KCNQ4: variants seen among roughly 807,000 people sequenced by gnomAD.
KCNQ4 encodes potassium voltage-gated channel subfamily Q member 4.
KCNQ4 carries 31 observed loss-of-function variants against 72.6 expected under a neutral mutation model. The ratio of observed to expected loss-of-function variants is 0.43; its 90% CI spans 0.32 to 0.58. The LOEUF is 0.58. Ranked by LOEUF, KCNQ4 falls within the 20% of genes least tolerant of loss-of-function variation. The pLI, the probability that KCNQ4 is intolerant of heterozygous loss-of-function variation, is 0.08. For missense variants in KCNQ4, 869 were observed against 962.6 expected, an observed-to-expected ratio of 0.90 and a Z score of 1.29; for synonymous variants, 405 against 403.7, an observed-to-expected ratio of 1.00 and a Z score of -0.04.
In KCNQ4 at chr1:40,840,228, C is replaced by T. The variant is rs944123817; in HGVS notation, c.*1705C>T. On this transcript the variant is annotated 3_prime_UTR_variant, in exon 14 of 14. Coordinates refer to ENST00000347132, the MANE Select transcript of KCNQ4 (RefSeq NM_004700.4). ...CTGGATGGAGCCACTCCTGGCTCAC[C>T]CCACCTGCACTGCACTGTCCCCAGA... The T allele has an allele frequency of 2.0e-4, 31 of 152,504 alleles. No individual in the cohort carries two copies. The highest frequency in any genetic ancestry group is 7.5e-4 in the African/African-American group (31 of 41,558). The allele number at this position is 152,504 out of a possible 1,614,324, so 9.4% of individuals were successfully genotyped here.
chr1:40,807,804 G>A (rs1647809054), intron 1 of KCNQ4, among the ~76,000 whole-genome samples: 1 of 152,182 alleles, frequency 6.6e-6, no homozygotes, highest in East Asian at 1.9e-4. Flanking sequence ...TGGCCTCAGG[G>A]TCCTCCAGCT....
intron 1 of KCNQ4, among the ~76,000 whole-genome samples, chr1:40,797,845 G>A (rs938358224): frequency 6.6e-6 from 1 of 152,130 alleles, no homozygotes; most frequent in African/African-American, 2.4e-5. Context: ...GGGGGGAGAT[G>A]TGTGTGGTTG....
intron 9 of KCNQ4, among the ~76,000 whole-genome samples, chr1:40,827,030 C>G (rs1327305414): frequency 2.0e-5 from 3 of 152,208 alleles, no homozygotes; most frequent in African/African-American, 7.2e-5. Context: ...CTCTGAGGGT[C>G]CTTCTCACTC....
intron 1 of KCNQ4, among the ~76,000 whole-genome samples, chr1:40,797,888 T>C (rs1373102615): frequency 6.6e-6 from 1 of 151,910 alleles, no homozygotes; most frequent in African/African-American, 2.4e-5. Flanking sequence ...GGGGTGGCCT[T>C]GGAAGCAGAG....
At chr1:40,787,420 G>A (rs762676872) in intron 1 of KCNQ4, among the ~76,000 whole-genome samples, 1 of 152,172 alleles carries the variant, frequency 6.6e-6, no homozygotes, top group African/African-American at 2.4e-5. Flanking sequence ...GCTGGGGTGA[G>A]AGGAGCGCAT....
chr1:40,805,858 T>C (rs1169843245), intron 1 of KCNQ4, among the ~76,000 whole-genome samples: 1 of 152,186 alleles, frequency 6.6e-6, no homozygotes, highest in East Asian at 1.9e-4. Context: ...TTTTTTTTTT[T>C]TAAGATGGAG....
At chr1:40,808,131 G>T (rs1466532412) in intron 1 of KCNQ4, among the ~76,000 whole-genome samples, 5 of 152,114 alleles carry the variant, frequency 3.3e-5, no homozygotes, top group Non-Finnish European at 5.9e-5. Flanking sequence ...CAGGGAAACT[G>T]CTGGTGGCTG....
Position 40,838,461 on chromosome 1 carries a change from G to A in KCNQ4, c.2026G>A (p.Asp676Asn). 4 of 1,614,156 alleles carry A rather than the reference G, an allele frequency of 2.5e-6. No homozygotes were observed. Among genetic ancestry groups the A allele is most frequent in the Non-Finnish European group, 3.4e-6 (4 of 1,179,980 alleles). Residue 676 changes from aspartate (D) to asparagine (N), a missense_variant, in exon 14 of 14, where the codon GAC becomes AAC. Around this residue, in one of 5 missense-constraint regions of KCNQ4, gnomAD observed 480 missense variants for 501.9 expected, o/e 0.96. Coordinates refer to ENST00000347132, the MANE Select transcript of KCNQ4 (RefSeq NM_004700.4). ...SDYHSPVDHE[D>N]ISVSAQTLSI... ...CTACCACAGCCCTGTGGACCACGAG[G>A]ACATCTCCGTCTCCGCACAGACGCT...
At chr1:40,830,652 G>A (rs780646331) in intron 9 of KCNQ4, among the ~76,000 whole-genome samples, 7 of 152,166 alleles carry the variant, frequency 4.6e-5, no homozygotes, top group African/African-American at 1.2e-4. Context: ...GCCTACCTCC[G>A]TGTGCATGGC....
chr1:40,808,104 C>T (rs540365919), intron 1 of KCNQ4, among the ~76,000 whole-genome samples: 19 of 152,214 alleles, frequency 1.2e-4, no homozygotes, highest in Middle Eastern at 3.4e-3. Context: ...AAGACCCTGT[C>T]TCAAAAGAAA....
chr1:40,820,304 A>G (rs766256518), intron 7 of KCNQ4, 44 bp downstream of exon 7: 1 of 1,483,638 alleles, frequency 6.7e-7, no homozygotes, highest in Non-Finnish European at 9.2e-7. Context: ...GGGCCGTGTG[A>G]CTGCACTGGT....
At chr1:40,830,150 GA>G in intron 9 of KCNQ4, among the ~76,000 whole-genome samples, 1 of 152,244 alleles carries the variant, frequency 6.6e-6, no homozygotes, top group South Asian at 2.1e-4. Context: ...CTTTAGCGGG[GA>G]TCCAAGACCA....
chr1:40,786,026 G>T (rs1647198837), intron 1 of KCNQ4, among the ~76,000 whole-genome samples: 1 of 152,190 alleles, frequency 6.6e-6, no homozygotes, highest in Admixed American at 6.5e-5. Flanking sequence ...CCATTGGGAG[G>T]CCTAGGATGA....
chr1:40,823,518 C>T (rs1483564196), intron 8 of KCNQ4, among the ~76,000 whole-genome samples: 1 of 152,172 alleles, frequency 6.6e-6, no homozygotes, highest in Non-Finnish European at 1.5e-5. Flanking sequence ...CATCTGCTCC[C>T]TGGACCTTAG....
chr1:40,812,107 C>T (rs1647948276), intron 1 of KCNQ4, among the ~76,000 whole-genome samples: 1 of 152,182 alleles, frequency 6.6e-6, no homozygotes, highest in Non-Finnish European at 1.5e-5. Context: ...TCCAGGAAGG[C>T]CAAGGCAGCT....
chr1:40,784,388 T>C lies in KCNQ4; in HGVS notation c.295T>C (p.Phe99Leu). 5 of 1,609,448 alleles carry C rather than the reference T, an allele frequency of 3.1e-6. No homozygotes were observed. The highest frequency in any genetic ancestry group is 4.2e-6 in the Non-Finnish European group (5 of 1,179,122). ...GCTGGAGCGGCCCCGCGGCTGGGCC[T>C]TCGTCTACCACGTCTTCATGTGAGT... ...NVLERPRGWAFVYHVFIFLLV... is the reference protein window; with the variant it reads ...NVLERPRGWALVYHVFIFLLV... The change falls in exon 1 of 14, where the codon TTC (phenylalanine) becomes CTC (leucine). Residue 99 changes from phenylalanine to leucine, a missense_variant. Coordinates refer to ENST00000347132, the MANE Select transcript of KCNQ4 (RefSeq NM_004700.4). The surrounding 1 kb of genome is among the most constrained non-coding windows in gnomAD (Gnocchi z 4.1).
At position 40,819,922 on chromosome 1, in the gene KCNQ4, G is replaced by T; in HGVS notation, c.882G>T (p.Trp294Cys). 6.2e-7 allele frequency: 1 copy of T among 1,614,180 alleles called. No individual in the cohort carries two copies. ...ATGGTGACAAGACACCGCACACATG[G>T]CTGGGCAGGGTCCTGGCTGCTGGCT... ...IGYGDKTPHT[W>C]LGRVLAAGFA... is the part of the protein sequence containing the mutation. Residue 294 changes from tryptophan to cysteine, a missense_variant, in exon 6 of 14, where the codon TGG becomes TGT. Trp to Cys is a radical substitution (Grantham distance 215, BLOSUM62 -2). Around this residue, in one of 5 missense-constraint regions of KCNQ4, gnomAD observed 13 missense variants for 46.0 expected, o/e 0.28. Transcript: ENST00000347132.
In KCNQ4 at chr1:40,788,361, T is replaced by C. The variant is rs4660459; in HGVS notation, c.314+3954T>C. On this transcript the variant is annotated intron_variant, in intron 1 of 13. Coordinates refer to ENST00000347132, the MANE Select transcript of KCNQ4 (RefSeq NM_004700.4). The surrounding 1 kb of genome is among the most constrained non-coding windows in gnomAD (Gnocchi z 4.5). ...GGCAGAGAGTTGAAATTGCTCCTGC[T>C]TCCTTGTCCAGGACTGTTCGCTCCG... Among the ~76,000 whole-genome samples, 58,580 of 152,012 alleles carry C rather than the reference T, an allele frequency of 0.39. 11,367 individuals are homozygous for C. Among genetic ancestry groups the C allele is most frequent in the African/African-American group, 0.43 (17,739 of 41,422 alleles).
intron 10 of KCNQ4, among the ~76,000 whole-genome samples, 153 bp downstream of exon 10, chr1:40,831,457 GCAT>G (rs1457425358): frequency 6.6e-6 from 1 of 152,210 alleles, no homozygotes; most frequent in Non-Finnish European, 1.5e-5. Flanking sequence ...TGTAAAATGG[GCAT>G]TATAATATTT....
Sources: allele counts gnomAD v4.1 joint callset (sites outside exome capture counted in the v4.1 genomes callset), GRCh38; gene constraint gnomAD v4.1.1; regional missense constraint gnomAD v4.1.1; non-coding constraint Gnocchi (gnomAD v3.1); transcripts MANE v1.5; gene names NCBI Gene and HGNC (gene_info 2026-07-23, HGNC 2026-07-21).